The following AQR variants were observed in gnomAD, a reference collection of about 807,000 sequenced individuals.
The protein encoded by AQR is RNA helicase aquarius.
A neutral mutation model predicts 180.5 loss-of-function variants in AQR; 61 were observed. That is an observed-to-expected ratio of 0.34 (90% CI 0.28 to 0.42). The LOEUF is 0.42. Ranked by LOEUF, AQR falls within the 10% of genes least tolerant of loss-of-function variation. The pLI, the probability that AQR is intolerant of heterozygous loss-of-function variation, is 1.00. For synonymous variants in AQR, 551 were observed against 588.8 expected, an observed-to-expected ratio of 0.94 and a Z score of 0.93; for missense variants, 1,281 against 1,798.3, an observed-to-expected ratio of 0.71 and a Z score of 5.20.
chr15:34,924,419 G>A (rs977652151), intron 13 of AQR, among the ~76,000 whole-genome samples: 6 of 151,582 alleles, frequency 4.0e-5, no homozygotes, highest in South Asian at 2.1e-4. Flanking sequence ...ACATATAATA[G>A]ATTTCAATCA....
chr15:34,905,357 G>GTA lies in AQR; in HGVS notation c.1832-854_1832-853dup, dbSNP rs111493145. Among the ~76,000 whole-genome samples, 1,317 of 152,058 alleles carry GTA rather than the reference G, an allele frequency of 8.7e-3. 39 individuals carry two copies. The highest frequency in any genetic ancestry group is 0.03 in the African/African-American group (1,255 of 41,392). On this transcript the variant is annotated intron_variant, in intron 18 of 34. Coordinates refer to ENST00000156471, the MANE Select transcript of AQR (RefSeq NM_014691.3). ...GTATGCAGTTGTAATTTAATAATAA[G>GTA]TATTATAAAGGAAGTCAGGACAACA...
chr15:34,956,942 A>G (rs1027700189), intron 3 of AQR, among the ~76,000 whole-genome samples: 1 of 149,430 alleles, frequency 6.7e-6, no homozygotes, highest in Non-Finnish European at 1.5e-5. Flanking sequence ...TATTTTTCAA[A>G]TATTTTTAAA....
At chr15:34,888,550 A>C (rs573635021) in intron 24 of AQR, among the ~76,000 whole-genome samples, 13 of 152,066 alleles carry the variant, frequency 8.5e-5, no homozygotes, top group African/African-American at 3.1e-4. Flanking sequence ...AAAAAAAATC[A>C]GCCAGGCTTG....
rs531248459 is a variant in AQR, at chr15:34,872,996, T to G, written c.3597+832A>C. 2.0e-5 allele frequency among the ~76,000 whole-genome samples: 3 copies of G among 152,300 alleles called. No homozygotes were observed. The South Asian group carries it at 6.2e-4, about 32-fold the overall frequency. On this transcript the variant is annotated intron_variant, in intron 30 of 34. Coordinates refer to ENST00000156471, the MANE Select transcript of AQR (RefSeq NM_014691.3). The stretch of plus-strand genomic sequence containing the variant: ...GCAGCTCCTTTTTAAAATGAGATAC[T>G]GTAGATATACTTTGCAACTTTTTTC...
intron 17 of AQR, 97 bp from the exon 18 acceptor site, chr15:34,906,809 G>T: frequency 8.4e-7 from 1 of 1,191,526 alleles, no homozygotes; most frequent in Non-Finnish European, 1.2e-6. Flanking sequence ...CTTATCTTTG[G>T]TAGAGAGATA....
intron 30 of AQR, among the ~76,000 whole-genome samples, chr15:34,872,671 A>G (rs539634109): frequency 1.3e-5 from 2 of 152,294 alleles, no homozygotes; most frequent in Non-Finnish European, 2.9e-5. Flanking sequence ...GGCATTAAGT[A>G]CACAAATAGA....
In AQR at chr15:34,890,268, T is replaced by C. The variant is rs1893123744; in HGVS notation, c.2628A>G (p.Leu876=). The C allele has an allele frequency of 6.2e-7, 1 of 1,613,476 alleles. No homozygotes were observed. Among genetic ancestry groups the C allele is most frequent in the African/African-American group, 1.3e-5 (1 of 74,888 alleles). Residue 876 remains leucine, a synonymous_variant, in exon 24 of 35, where the codon CTA becomes CTG. Coordinates refer to ENST00000156471, the MANE Select transcript of AQR (RefSeq NM_014691.3). Reference sequence around the variant, plus strand: ...CTTCTTCTCCATGACCAAGACGCAGTAGGTGGCGCTCATCAATGTCTAATG... The same window carrying C: ...CTTCTTCTCCATGACCAAGACGCAGCAGGTGGCGCTCATCAATGTCTAATG... ...IMALDIDERH[L]LRLGHGEEEL... is the part of the protein sequence containing the mutation.
rs1892550993 is a variant in AQR, at chr15:34,853,988, A to G, written c.*2804T>C. The G allele has an allele frequency of 6.6e-6, 1 of 152,168 alleles. No individual in the cohort carries two copies. Among genetic ancestry groups the G allele is most frequent in the Non-Finnish European group, 1.5e-5 (1 of 68,022 alleles). The allele number at this position is 152,168 out of a possible 1,614,324, so 9.4% of individuals were successfully genotyped here. ...ATTTCATTTGTTTACAGGAGCACAA[A>G]TGGCCTATTTATGCCTTTTCTCTCA... is the stretch of plus-strand genomic sequence containing the variant. On this transcript the variant is annotated 3_prime_UTR_variant, in exon 35 of 35. Transcript: ENST00000156471.
At chr15:34,899,864 C>T (rs1015065862) in intron 20 of AQR, among the ~76,000 whole-genome samples, 6 of 151,954 alleles carry the variant, frequency 3.9e-5, no homozygotes, top group Admixed American at 3.9e-4. Flanking sequence ...TAAGACCAGA[C>T]CTAATTTAAG....
At chr15:34,966,845 CTT>C (rs1471073916) in intron 1 of AQR, among the ~76,000 whole-genome samples, 1 of 139,856 alleles carries the variant, frequency 7.2e-6, no homozygotes, top group East Asian at 2.1e-4. Flanking sequence ...GAAAGGTAAT[CTT>C]TGCCTTCAAG....
At position 34,956,080 on chromosome 15, in the gene AQR, T is replaced by C. The variant is rs971274498; in HGVS notation, c.174-3160A>G. Among the ~76,000 whole-genome samples the C allele has an allele frequency of 3.3e-5, 5 of 152,264 alleles. No homozygotes were observed. The East Asian group carries it at 9.6e-4, about 29-fold the overall frequency. ...GAGAGCTTCTGGAACACCGACAATG[T>C]TCGTGGAGTTTTTCAGCCTAGGTGG... On this transcript the variant is annotated intron_variant, in intron 3 of 34. Coordinates refer to ENST00000156471, the MANE Select transcript of AQR (RefSeq NM_014691.3).
intron 11 of AQR, among the ~76,000 whole-genome samples, chr15:34,931,400 A>C (rs1165592541): frequency 6.6e-6 from 1 of 152,212 alleles, no homozygotes; most frequent in Non-Finnish European, 1.5e-5. Flanking sequence ...ATTTAAAAAG[A>C]GAATAAGAGG....
intron 13 of AQR, among the ~76,000 whole-genome samples, chr15:34,920,784 C>T (rs1405365063): frequency 6.6e-6 from 1 of 152,086 alleles, no homozygotes; most frequent in Admixed American, 6.6e-5. Context: ...TGGTGAAATT[C>T]CGTCTCTACT....
In AQR at chr15:34,856,775, G is replaced by A. The variant is rs774664861; in HGVS notation, c.*17C>T. 5.2e-5 allele frequency: 78 copies of A among 1,491,470 alleles called. No individual in the cohort carries two copies. The highest frequency in any genetic ancestry group is 2.3e-5 in the East Asian group (1 of 43,464). The allele number at this position is 1,491,470 out of a possible 1,614,324, so 92.4% of individuals were successfully genotyped here. A position where few individuals can be genotyped will look rare whatever the true frequency, so the allele number is the denominator to read the frequency against. On this transcript the variant is annotated 3_prime_UTR_variant, in exon 35 of 35. Transcript: ENST00000156471. ...TTTTTGACTGCCATGTCCTCCTTTA[G>A]AAGGACTACAGTTTGGCTACTTGGT...
intron 20 of AQR, among the ~76,000 whole-genome samples, chr15:34,899,187 A>G (rs959868369): frequency 6.6e-6 from 1 of 151,882 alleles, no homozygotes; most frequent in Non-Finnish European, 1.5e-5. Context: ...CAAAAAAAAA[A>G]TCCAAAAAAC....
chr15:34,947,807 T>C (rs1172980455), intron 5 of AQR, among the ~76,000 whole-genome samples: 1 of 152,002 alleles, frequency 6.6e-6, no homozygotes, highest in Non-Finnish European at 1.5e-5. Context: ...GCCTGGCTAA[T>C]TTTTTCTTTT....
intron 13 of AQR, among the ~76,000 whole-genome samples, chr15:34,923,737 G>C (rs1312708372): frequency 6.6e-6 from 1 of 152,016 alleles, no homozygotes; most frequent in Non-Finnish European, 1.5e-5. Context: ...TAACCATATA[G>C]GTATGGTCTA....
intron 13 of AQR, among the ~76,000 whole-genome samples, chr15:34,924,516 C>T (rs1045805961): frequency 6.6e-6 from 1 of 151,894 alleles, no homozygotes; most frequent in Admixed American, 6.6e-5. Flanking sequence ...ACTGCAACCT[C>T]CACCTCCCAA....
At chr15:34,950,921 A>T (rs1479616740) in intron 4 of AQR, among the ~76,000 whole-genome samples, 1 of 152,182 alleles carries the variant, frequency 6.6e-6, no homozygotes, top group Non-Finnish European at 1.5e-5. Context: ...GTAAAGTCTT[A>T]TCTTGGGTGT....
Sources: allele counts gnomAD v4.1 joint callset (sites outside exome capture counted in the v4.1 genomes callset), GRCh38; gene constraint gnomAD v4.1.1; transcripts MANE v1.5; gene names NCBI Gene and HGNC (gene_info 2026-07-23, HGNC 2026-07-21).